Variants in SERINC5 observed in about 807,000 individuals in gnomAD.
SERINC5 encodes the protein chromosome 5 open reading frame 12.
In SERINC5, 41 loss-of-function variants were observed where a neutral mutation model predicts 63.1. That is an observed-to-expected ratio of 0.65 (90% confidence interval 0.51 to 0.84). The LOEUF is 0.84. SERINC5 is among the 40% of genes least tolerant of loss of function. The pLI, the probability that SERINC5 is intolerant of heterozygous loss-of-function variation, is 0.00. For synonymous variants in SERINC5, 222 were observed against 215.2 expected (o/e 1.03, Z -0.28); for missense variants, 523 against 573.0 (o/e 0.91, Z 0.89).
At chr5:80,202,534 G>A (rs528793788) in intron 2 of SERINC5, among the ~76,000 whole-genome samples, 7 of 152,168 alleles carry the variant, frequency 4.6e-5, no homozygotes, top group East Asian at 1.9e-4. Flanking sequence ...TGGATGCACC[G>A]AAGGCCCTGA....
At chr5:80,178,165 G>C (rs1441195322) in intron 2 of SERINC5, 101 bp from the exon 3 acceptor site, 7 of 642,578 alleles carry the variant, frequency 1.1e-5, no homozygotes, top group Non-Finnish European at 1.8e-5. Flanking sequence ...TGTGGAAATG[G>C]ATCGTGTGCA....
At chr5:80,145,470 C>T (rs905190611) in intron 11 of SERINC5, among the ~76,000 whole-genome samples, 1 of 151,838 alleles carries the variant, frequency 6.6e-6, no homozygotes, top group Non-Finnish European at 1.5e-5. Context: ...TTCATAATTC[C>T]ACATTTAGTT....
intron 2 of SERINC5, among the ~76,000 whole-genome samples, chr5:80,195,898 A>G (rs1200675111): frequency 1.3e-5 from 2 of 152,240 alleles, no homozygotes; most frequent in African/African-American, 4.8e-5. Flanking sequence ...GGAGAAATGT[A>G]GCAAACAGCA....
Position 80,142,975 on chromosome 5 carries a change from T to C in SERINC5, c.*688A>G, listed in dbSNP as rs897764714. On this transcript the variant is annotated 3_prime_UTR_variant, in exon 12 of 12. Coordinates refer to ENST00000507668, the MANE Select transcript of SERINC5 (RefSeq NM_001174072.3). ...ACCACCTGGGGGGTGATCAGACAAATTGTGCTTTTTCACATTATTACAAAG... is the reference window on the plus strand; with the variant it reads ...ACCACCTGGGGGGTGATCAGACAAACTGTGCTTTTTCACATTATTACAAAG... 2.5e-5 allele frequency: 25 copies of C among 985,296 alleles called. No individual in the cohort carries two copies. Among genetic ancestry groups the C allele is most frequent in the Non-Finnish European group, 2.8e-5 (23 of 829,958 alleles). The allele number at this position is 985,296 out of a possible 1,614,324, so 61.0% of individuals were successfully genotyped here. A position where few individuals can be genotyped will look rare whatever the true frequency, so the allele number is the denominator to read the frequency against.
rs1561436006 is a variant in SERINC5, at chr5:80,220,940, C to T, written c.28-17887G>A. 1.3e-5 allele frequency among the ~76,000 whole-genome samples: 2 copies of T among 152,026 alleles called. 1 individual carries two copies. The highest frequency in any genetic ancestry group is 3.9e-4 in the East Asian group (2 of 5,168). ...AGGGAAGAAATGGGGTCTTGAGCAGCGTGGATGAGGGAAAAGAGCCAGGAA... is the reference window on the plus strand; with the variant it reads ...AGGGAAGAAATGGGGTCTTGAGCAGTGTGGATGAGGGAAAAGAGCCAGGAA... On this transcript the variant is annotated intron_variant, in intron 1 of 11. Coordinates refer to ENST00000507668, the MANE Select transcript of SERINC5 (RefSeq NM_001174072.3).
At chr5:80,143,839 C>A in intron 11 of SERINC5, 29 bp from the exon 12 acceptor site, 2 of 1,535,000 alleles carry the variant, frequency 1.3e-6, no homozygotes, top group South Asian at 2.4e-5. Context: ...TAGCCGCGGT[C>A]AAAGCAGGAA....
At chr5:80,135,562 T>C (rs1358832383), downstream of SERINC5, among the ~76,000 whole-genome samples, 1 of 152,150 alleles carries the variant, frequency 6.6e-6, no homozygotes, top group African/African-American at 2.4e-5. Context: ...GATGAGTGTA[T>C]GAAATCTGAA....
intron 7 of SERINC5, among the ~76,000 whole-genome samples, chr5:80,161,862 C>CTTTTGTTGAT (rs548579950): frequency 6.6e-6 from 1 of 152,066 alleles, no homozygotes; most frequent in African/African-American, 2.4e-5. Flanking sequence ...TTTAATCCAC[C>CTTTTGTTGAT]TTTTGTTGAT....
chr5:80,204,709 A>G (rs1055925433), intron 1 of SERINC5, among the ~76,000 whole-genome samples: 2 of 152,368 alleles, frequency 1.3e-5, no homozygotes, highest in Middle Eastern at 3.4e-3. Flanking sequence ...GCCAAGAACT[A>G]GTAAACAAAG....
chr5:80,253,973 C>A (rs917098668), intron 1 of SERINC5, among the ~76,000 whole-genome samples: 3 of 152,178 alleles, frequency 2.0e-5, no homozygotes, highest in African/African-American at 7.2e-5. Context: ...GCTCATTGCC[C>A]AGGCTTGAGT....
intron 1 of SERINC5, among the ~76,000 whole-genome samples, chr5:80,214,441 T>C (rs1463822515): frequency 1.3e-5 from 2 of 152,032 alleles, no homozygotes; most frequent in Non-Finnish European, 2.9e-5. Context: ...ACCTCATAGG[T>C]GGTAAGCCCT....
At chr5:80,132,322 A>T (rs188562964) in intron 11 of SERINC5, among the ~76,000 whole-genome samples, 37 of 152,076 alleles carry the variant, frequency 2.4e-4, no homozygotes, top group African/African-American at 8.5e-4. Flanking sequence ...TTCTGTAAGG[A>T]ACTCCAGGTC....
chr5:80,147,746 T>G (rs1745914444), intron 9 of SERINC5, among the ~76,000 whole-genome samples: 1 of 152,200 alleles, frequency 6.6e-6, no homozygotes, highest in African/African-American at 2.4e-5. Context: ...TGCCTCAGCC[T>G]CTGCTTCTGG....
chr5:80,211,040 G>GC (rs2112513227), intron 1 of SERINC5, among the ~76,000 whole-genome samples: 1 of 152,308 alleles, frequency 6.6e-6, no homozygotes, highest in South Asian at 2.1e-4. Context: ...TGTCAACCCT[G>GC]CAAGAGGTAA....
intron 11 of SERINC5, among the ~76,000 whole-genome samples, chr5:80,121,515 C>A (rs544764834): frequency 6.6e-6 from 1 of 152,276 alleles, no homozygotes; most frequent in South Asian, 2.1e-4. Flanking sequence ...ACCTCCAACA[C>A]TGAGGATTAC....
chr5:80,120,352 G>A (rs1418043958), intron 11 of SERINC5, among the ~76,000 whole-genome samples: 1 of 152,152 alleles, frequency 6.6e-6, no homozygotes, highest in African/African-American at 2.4e-5. Flanking sequence ...ACATCACTTG[G>A]ATGCAGGTGA....
chr5:80,233,153 C>T (rs543459931), intron 1 of SERINC5, among the ~76,000 whole-genome samples: 200 of 152,222 alleles, frequency 1.3e-3, no homozygotes, highest in African/African-American at 4.7e-3. Context: ...AGGCCGGGTG[C>T]AGTGGCTCAC....
chr5:80,131,358 G>A (rs1024509932), intron 11 of SERINC5, among the ~76,000 whole-genome samples: 2 of 152,212 alleles, frequency 1.3e-5, no homozygotes, highest in East Asian at 1.9e-4. Context: ...CCCCAGCCAT[G>A]TGGAGCTGTG....
intron 1 of SERINC5, among the ~76,000 whole-genome samples, chr5:80,251,596 G>A (rs367825424): frequency 2.6e-5 from 4 of 152,012 alleles, no homozygotes; most frequent in African/African-American, 9.6e-5. Flanking sequence ...CAGATGTAGT[G>A]GCAAGTGCCT....
Sources: allele counts gnomAD v4.1 joint callset (sites outside exome capture counted in the v4.1 genomes callset), GRCh38; gene constraint gnomAD v4.1.1; transcripts MANE v1.5; gene names NCBI Gene and HGNC (gene_info 2026-07-23, HGNC 2026-07-21).